The following ADGRG1 variants were observed in gnomAD, a reference collection of about 807,000 sequenced individuals.
ADGRG1 encodes 7-transmembrane protein with no EGF-like N-terminal domains-1.
ADGRG1 carries 53 observed loss-of-function variants against 73.5 expected under a neutral mutation model. That is an observed-to-expected ratio of 0.72 (90% confidence interval 0.58 to 0.91). The LOEUF is 0.91. Ranked by LOEUF, ADGRG1 falls within the 40% of genes least tolerant of loss-of-function variation. ADGRG1 has a pLI of 0.00. For synonymous variants in ADGRG1, 394 were observed against 374.4 expected, an observed-to-expected ratio of 1.05 and a Z score of -0.60; for missense variants, 795 against 871.8, an observed-to-expected ratio of 0.91 and a Z score of 1.11.
chr16:57,656,142 G>A, intron 7 of ADGRG1, 84 bp from the exon 8 acceptor site: 2 of 1,613,560 alleles, frequency 1.2e-6, no homozygotes, highest in Non-Finnish European at 1.7e-6. Context: ...GCTTGACTGT[G>A]TTCTAGACTT....
intron 1 of ADGRG1, chr16:57,632,412 AGAGG>A (rs2038206599): frequency 3.0e-5 from 22 of 740,064 alleles, no homozygotes; most frequent in Non-Finnish European, 3.6e-5. Flanking sequence ...CATCTGCTTC[AGAGG>A]CTATTATGAG....
intron 1 of ADGRG1, chr16:57,645,370 C>T: frequency 1.1e-6 from 1 of 949,528 alleles, no homozygotes; most frequent in Non-Finnish European, 1.3e-6. Context: ...TCCCTTCCCA[C>T]CCCACCACCC....
intron 1 of ADGRG1, chr16:57,631,939 G>C: frequency 1.0e-6 from 1 of 976,552 alleles, no homozygotes; most frequent in African/African-American, 1.7e-5. Context: ...CACATTTTCT[G>C]ACCACTGCCC....
Position 57,628,695 on chromosome 16 carries a change from A to G in ADGRG1, c.-143A>G, listed in dbSNP as rs2147128454. ...GGGAGCCTCCCACGCTCTCCAGCTC[A>G]CTCGGCAGGCAGCGGGGACCAGGGC... On this transcript the variant is annotated 5_prime_UTR_variant, in exon 1 of 14. Coordinates refer to ENST00000562631, the MANE Select transcript of ADGRG1 (RefSeq NM_201525.4). The G allele has an allele frequency of 1.0e-6, 1 of 985,378 alleles. No individual in the cohort carries two copies. Among genetic ancestry groups the G allele is most frequent in the Non-Finnish European group, 1.2e-6 (1 of 829,950 alleles). 61.0% of individuals were successfully genotyped at this position (985,378 alleles called of 1,614,324 possible).
upstream of ADGRG1, chr16:57,622,748 A>G (rs2035096212): frequency 1.0e-6 from 1 of 985,026 alleles, no homozygotes. Context: ...AAGGTCAGAC[A>G]TTCCGTCATG....
Position 57,659,618 on chromosome 16 carries a change from G to T in ADGRG1, c.1492G>T (p.Val498Leu). The change falls in exon 11 of 14, where the codon GTG becomes TTG. Residue 498 changes from valine to leucine, a missense_variant. Physicochemically the swap from Val to Leu is conservative, Grantham distance 32. Coordinates refer to ENST00000562631, the MANE Select transcript of ADGRG1 (RefSeq NM_201525.4). ...GLEGYNLYRL[V>L]VEVFGTYVPG... ...CGAGGGGTACAACCTCTACCGACTCGTGGTGGAGGTCTTTGGCACCTATGT... is the reference window on the plus strand; with the variant it reads ...CGAGGGGTACAACCTCTACCGACTCTTGGTGGAGGTCTTTGGCACCTATGT... 6.2e-7 allele frequency: 1 copy of T among 1,613,382 alleles called. No individual in the cohort carries two copies. The highest frequency in any genetic ancestry group is 8.5e-7 in the Non-Finnish European group (1 of 1,179,398).
upstream of ADGRG1, chr16:57,623,102 T>C (rs191413822): frequency 5.0e-5 from 49 of 978,802 alleles, no homozygotes; most frequent in Non-Finnish European, 5.6e-5. Flanking sequence ...CCTTTCCCTC[T>C]CTGAGTCTCA....
chr16:57,661,868 C>T lies in ADGRG1; in HGVS notation c.1836C>T (p.Val612=). Residue 612 remains valine (V), a synonymous_variant, in exon 13 of 14, where the codon GTC becomes GTT. Transcript: ENST00000562631. The part of the protein sequence containing the change: ...HVLTLLGLSL[V]LGLPWALIFF... ...TGACACTGCTGGGCCTCAGCCTGGT[C>T]CTTGGCCTGCCCTGGGCCTTGATCT... is the stretch of plus-strand genomic sequence containing the variant. 1 of 1,614,244 alleles carries T rather than the reference C, an allele frequency of 6.2e-7. No homozygotes were observed. Among genetic ancestry groups the T allele is most frequent in the Non-Finnish European group, 8.5e-7 (1 of 1,180,034 alleles).
At chr16:57,662,963 T>A (rs2047608729) in intron 13 of ADGRG1, 7 of 985,210 alleles carry the variant, frequency 7.1e-6, no homozygotes, top group Non-Finnish European at 8.4e-6. Flanking sequence ...ACATTTCGGT[T>A]ATTTAACATT....
At chr16:57,644,979 C>T (rs570758913) in intron 1 of ADGRG1, 1 of 708,736 alleles carries the variant, frequency 1.4e-6, no homozygotes, top group African/African-American at 2.0e-5. Flanking sequence ...TGGGCACACA[C>T]CCCCATGCAC....
chr16:57,662,055 T>C (rs1372620949), intron 13 of ADGRG1, 90 bp downstream of exon 13: 2 of 1,057,906 alleles, frequency 1.9e-6, no homozygotes, highest in African/African-American at 3.1e-5. Flanking sequence ...CCTGAAGACT[T>C]CCCTTCTCTG....
upstream of ADGRG1, among the ~76,000 whole-genome samples, chr16:57,626,355 G>C (rs138582714): frequency 1.9e-3 from 296 of 152,336 alleles, no homozygotes; most frequent in Middle Eastern, 6.8e-3. Context: ...AACAGATAGT[G>C]TTGTGTTTAA....
intron 1 of ADGRG1, chr16:57,631,908 G>T: frequency 2.1e-6 from 2 of 960,716 alleles, no homozygotes; most frequent in African/African-American, 3.7e-5. Context: ...GGGGCCAAGG[G>T]TTGGGGAGTA....
At chr16:57,631,152 G>A (rs2037782078) in intron 1 of ADGRG1, 1 of 986,212 alleles carries the variant, frequency 1.0e-6, no homozygotes, top group Non-Finnish European at 1.2e-6. Context: ...ACGTGTGAGG[G>A]AGACGAGGGG....
At chr16:57,633,293 A>T in intron 1 of ADGRG1, 1 of 981,546 alleles carries the variant, frequency 1.0e-6, no homozygotes, top group Non-Finnish European at 1.2e-6. Context: ...CTTCCAGGTC[A>T]TGGGCTCATT....
chr16:57,626,676 T>A, upstream of ADGRG1: 1 of 985,412 alleles, frequency 1.0e-6, no homozygotes, highest in Non-Finnish European at 1.2e-6. Context: ...CCTTCAACTC[T>A]CCATCTGTGC....
chr16:57,624,225 C>T (rs113530378), upstream of ADGRG1: 1,927 of 949,760 alleles, frequency 2.0e-3, 17 homozygotes, highest in African/African-American at 0.026. Context: ...TGAGGCTGGG[C>T]GCAGTGGCTC....
intron 1 of ADGRG1, chr16:57,634,436 C>T (rs1483537821): frequency 1.2e-5 from 12 of 985,434 alleles, no homozygotes; most frequent in Non-Finnish European, 1.4e-5. Flanking sequence ...GGGCGACTCA[C>T]AGCCCAAACT....
Position 57,654,074 on chromosome 16 carries a change from G to A in ADGRG1, c.709G>A (p.Val237Met), listed in dbSNP as rs777329430. 2 of 1,613,974 alleles carry A rather than the reference G, an allele frequency of 1.2e-6. No individual in the cohort carries two copies. Among genetic ancestry groups the A allele is most frequent in the Admixed American group, 1.7e-5 (1 of 60,032 alleles). Residue 237 changes from valine to methionine, a missense_variant, in exon 5 of 14, where the codon GTG becomes ATG. Coordinates refer to ENST00000562631, the MANE Select transcript of ADGRG1 (RefSeq NM_201525.4). ...CGAGGAGGACCGGATCAACGCCACG[G>A]TGTGGAAGCTCCAGCCCACAGCCGG... ...SFEEDRINATVWKLQPTAGLQ... is the reference protein window; with the variant it reads ...SFEEDRINATMWKLQPTAGLQ...
Sources: allele counts gnomAD v4.1 joint callset (sites outside exome capture counted in the v4.1 genomes callset), GRCh38; gene constraint gnomAD v4.1.1; transcripts MANE v1.5; gene names NCBI Gene and HGNC (gene_info 2026-07-23, HGNC 2026-07-21).